The following ADAMTS16 variants were observed in gnomAD, a reference collection of about 807,000 sequenced individuals.
ADAMTS16 encodes the protein A disintegrin and metalloproteinase with thrombospondin motifs 16.
A neutral mutation model predicts 145.8 loss-of-function variants in ADAMTS16; 94 were observed. That is an observed-to-expected ratio of 0.64 (90% CI 0.55 to 0.77). The LOEUF is 0.77. Among genes scored for constraint, ADAMTS16 ranks in the 30% least tolerant of loss-of-function variants. The pLI, the probability that ADAMTS16 is intolerant of heterozygous loss-of-function variation, is 0.00. For synonymous variants in ADAMTS16, 659 were observed against 604.3 expected (o/e 1.09, Z -1.33); for missense variants, 1,585 against 1,591.5 (o/e 1.00, Z 0.07).
At chr5:5,188,672 C>T (rs927083270) in intron 6 of ADAMTS16, among the ~76,000 whole-genome samples, 8 of 152,066 alleles carry the variant, frequency 5.3e-5, no homozygotes, top group African/African-American at 1.5e-4. Flanking sequence ...AGATGAAACC[C>T]GAGATCATTC....
intron 18 of ADAMTS16, among the ~76,000 whole-genome samples, chr5:5,272,849 G>A (rs1175829788): frequency 1.3e-5 from 2 of 152,336 alleles, no homozygotes; most frequent in Middle Eastern, 3.4e-3. Flanking sequence ...AGTTCAAGAA[G>A]CCATTCTATA....
chr5:5,277,850 C>A (rs1738761646), intron 18 of ADAMTS16, among the ~76,000 whole-genome samples: 1 of 151,990 alleles, frequency 6.6e-6, no homozygotes, highest in Non-Finnish European at 1.5e-5. Flanking sequence ...GGTGTGATAG[C>A]ATGCACCTAT....
intron 8 of ADAMTS16, among the ~76,000 whole-genome samples, 155 bp downstream of exon 8, chr5:5,191,945 A>T (rs1418393122): frequency 6.6e-6 from 1 of 152,070 alleles, no homozygotes; most frequent in Non-Finnish European, 1.5e-5. Context: ...GTCACTTAGG[A>T]CTTCTGTTTC....
At chr5:5,253,563 C>T (rs371149542) in intron 17 of ADAMTS16, among the ~76,000 whole-genome samples, 10 of 152,184 alleles carry the variant, frequency 6.6e-5, no homozygotes, top group Non-Finnish European at 1.5e-4. Context: ...TGACTTCTCC[C>T]TTTAGCTTAG....
intron 3 of ADAMTS16, among the ~76,000 whole-genome samples, chr5:5,150,382 A>G (rs1260239115): frequency 6.6e-6 from 1 of 152,194 alleles, no homozygotes; most frequent in African/African-American, 2.4e-5. Flanking sequence ...TTTATTACTT[A>G]GAGATAGGTA....
At chr5:5,247,208 C>A (rs992028192) in intron 17 of ADAMTS16, among the ~76,000 whole-genome samples, 1 of 152,174 alleles carries the variant, frequency 6.6e-6, no homozygotes, top group Admixed American at 6.6e-5. Context: ...TAAACTTCAG[C>A]TAAAGGGTTG....
At position 5,304,975 on chromosome 5, in the gene ADAMTS16, A is replaced by ATCCTACAC. The variant is rs1192303039; in HGVS notation, c.3186+1209_3186+1210insTCCTACAC. On this transcript the variant is annotated intron_variant, in intron 20 of 22. Transcript: ENST00000274181. Reference sequence around the variant, plus strand: ...CACACATCCCACACCACACACACACACACACATCCTACACCACACACACAC... The same window carrying ATCCTACAC: ...CACACATCCCACACCACACACACACATCCTACACCACACATCCTACACCACACACACAC... 6.7e-3 allele frequency among the ~76,000 whole-genome samples: 956 copies of ATCCTACAC among 141,754 alleles called. 61 individuals are homozygous for ATCCTACAC. Among genetic ancestry groups the ATCCTACAC allele is most frequent in the African/African-American group, 0.024 (909 of 38,058 alleles). The allele number at this position is 141,754 out of a possible 152,430, so 93.0% of individuals were successfully genotyped here.
chr5:5,229,161 G>A (rs377765583), intron 11 of ADAMTS16, among the ~76,000 whole-genome samples: 127 of 151,714 alleles, frequency 8.4e-4, no homozygotes, highest in African/African-American at 2.9e-3. Flanking sequence ...AGCCGGGCGC[G>A]GTGGCGGGCG....
At position 5,269,355 on chromosome 5, in the gene ADAMTS16, C is replaced by T. The variant is rs1738378307; in HGVS notation, c.2789+6572C>T. Among the ~76,000 whole-genome samples the T allele has an allele frequency of 6.6e-6, 1 of 152,124 alleles. No homozygotes were observed. Among genetic ancestry groups the T allele is most frequent in the African/African-American group, 2.4e-5 (1 of 41,438 alleles). On this transcript the variant is annotated intron_variant, in intron 18 of 22. Transcript: ENST00000274181. The surrounding 1 kb of genome is among the most constrained non-coding windows in gnomAD (Gnocchi z 4.3). The stretch of plus-strand genomic sequence containing the variant: ...TGCACATGGAGCTCAGCAGTAAATG[C>T]TACCCCCAAAATCCCATGTTATCAC...
chr5:5,152,427 T>C (rs532956702), intron 3 of ADAMTS16, among the ~76,000 whole-genome samples: 2 of 152,344 alleles, frequency 1.3e-5, no homozygotes, highest in African/African-American at 4.8e-5. Flanking sequence ...TGGAGAGTAG[T>C]GTCCATTCTA....
At chr5:5,159,480 G>A (rs1734688008) in intron 3 of ADAMTS16, among the ~76,000 whole-genome samples, 1 of 152,112 alleles carries the variant, frequency 6.6e-6, no homozygotes, top group Non-Finnish European at 1.5e-5. Flanking sequence ...AACTGAACAA[G>A]TATTTGTTCT....
Position 5,191,733 on chromosome 5 carries a change from T to C in ADAMTS16, c.1256T>C (p.Ile419Thr), listed in dbSNP as rs1312762877. The C allele has an allele frequency of 2.5e-6, 4 of 1,613,712 alleles. No homozygotes were observed. The highest frequency in any genetic ancestry group is 3.4e-6 in the Non-Finnish European group (4 of 1,179,770). The stretch of plus-strand genomic sequence containing the variant: ...TGTAGTAAATATCGCAGCTGCACGA[T>C]TAATGAAGATACAGGTCTTGGACTG... Reference protein sequence around the residue: ...GMCSKYRSCTINEDTGLGLAF... With the variant: ...GMCSKYRSCTTNEDTGLGLAF... Residue 419 changes from isoleucine to threonine, a missense_variant, in exon 8 of 23, where the codon ATT becomes ACT. Ile to Thr is a moderately conservative substitution (Grantham distance 89, BLOSUM62 -1). Transcript: ENST00000274181.
In ADAMTS16 at chr5:5,263,613, T is replaced by C. The variant is rs147074627; in HGVS notation, c.2789+830T>C. Reference sequence around the variant, plus strand: ...ACTCTGAAGACACAGGAGCAAGCTCTGTGCAGAGCCCACAGCCAGACCAGG... The same window carrying C: ...ACTCTGAAGACACAGGAGCAAGCTCCGTGCAGAGCCCACAGCCAGACCAGG... On this transcript the variant is annotated intron_variant, in intron 18 of 22. Coordinates refer to ENST00000274181, the MANE Select transcript of ADAMTS16 (RefSeq NM_139056.4). Among the ~76,000 whole-genome samples the C allele has an allele frequency of 3.0e-3, 456 of 152,310 alleles. 2 individuals are homozygous for C. The highest frequency in any genetic ancestry group is 0.01 in the African/African-American group (431 of 41,588).
intron 17 of ADAMTS16, among the ~76,000 whole-genome samples, chr5:5,246,807 C>T (rs569312293): frequency 1.1e-4 from 16 of 152,266 alleles, no homozygotes; most frequent in Admixed American, 2.6e-4. Context: ...ATGCTGAGTT[C>T]GGAGTGTATA....
chr5:5,165,263 G>A (rs1334966932), intron 3 of ADAMTS16, among the ~76,000 whole-genome samples: 1 of 152,098 alleles, frequency 6.6e-6, no homozygotes, highest in Non-Finnish European at 1.5e-5. Context: ...CATCCATGTT[G>A]TGTCTATCAG....
intron 18 of ADAMTS16, among the ~76,000 whole-genome samples, chr5:5,299,842 C>T (rs887897189): frequency 6.6e-6 from 1 of 152,192 alleles, no homozygotes; most frequent in African/African-American, 2.4e-5. Context: ...AAAGCGAGAA[C>T]GCTTGTGGCC....
chr5:5,155,120 C>G (rs145913264), intron 3 of ADAMTS16, among the ~76,000 whole-genome samples: 44 of 152,288 alleles, frequency 2.9e-4, no homozygotes, highest in African/African-American at 1.1e-3. Context: ...CGAGAGCAGC[C>G]TGATTGTATC....
intron 21 of ADAMTS16, among the ~76,000 whole-genome samples, chr5:5,311,698 C>A (rs1740453053): frequency 6.6e-6 from 1 of 151,786 alleles, no homozygotes; most frequent in Admixed American, 6.6e-5. Flanking sequence ...ACGTGCACAC[C>A]ACCATGCCCA....
chr5:5,302,804 TA>T (rs1739839769), intron 18 of ADAMTS16, among the ~76,000 whole-genome samples: 1 of 152,188 alleles, frequency 6.6e-6, no homozygotes, highest in Admixed American at 6.5e-5. Flanking sequence ...GGTTATGTTT[TA>T]AAAAATCCTT....
Sources: allele counts gnomAD v4.1 joint callset (sites outside exome capture counted in the v4.1 genomes callset), GRCh38; gene constraint gnomAD v4.1.1; non-coding constraint Gnocchi (gnomAD v3.1); transcripts MANE v1.5; gene names NCBI Gene and HGNC (gene_info 2026-07-23, HGNC 2026-07-21).